The following KMT2C variants were observed in gnomAD, a reference collection of about 807,000 sequenced individuals.
KMT2C encodes the protein histone-lysine N-methyltransferase 2C.
Under a neutral mutation model 507.9 loss-of-function variants are expected in KMT2C, and 88 were observed. The observed-to-expected ratio is 0.17, with a 90% confidence interval of 0.15 to 0.21. The LOEUF (loss-of-function observed/expected upper bound fraction) is 0.21. Among genes scored for constraint, KMT2C ranks in the 10% least tolerant of loss-of-function variants. KMT2C has a pLI of 1.00. For synonymous variants in KMT2C, 2,049 were observed against 2,080.8 expected, an observed-to-expected ratio of 0.98 and a Z score of 0.42; for missense variants, 4,954 against 5,957.8, an observed-to-expected ratio of 0.83 and a Z score of 5.55.
chr7:152,421,164 G>C (rs2097775217), intron 1 of KMT2C, among the ~76,000 whole-genome samples: 1 of 152,084 alleles, frequency 6.6e-6, no homozygotes, highest in African/African-American at 2.4e-5. Flanking sequence ...CTTATCATTA[G>C]AGAAATGCAA....
rs546422456 is a variant in KMT2C at position 152,265,890 on chromosome 7, C to T, written c.1013-681G>A. On this transcript the variant is annotated intron_variant, in intron 7 of 58. Coordinates refer to ENST00000262189, the MANE Select transcript of KMT2C (RefSeq NM_170606.3). Reference sequence around the variant, plus strand: ...CCACATAATTATGGACATCATCCATCCCTAAATGTGGATTAAAAGAAAATG... The same window carrying T: ...CCACATAATTATGGACATCATCCATTCCTAAATGTGGATTAAAAGAAAATG... Among the ~76,000 whole-genome samples the T allele has an allele frequency of 6.6e-5, 10 of 152,322 alleles. No homozygotes were observed. The South Asian group carries it at 1.9e-3, about 28-fold the overall frequency.
chr7:152,292,602 A>C (rs2096446042), intron 6 of KMT2C, among the ~76,000 whole-genome samples: 2 of 152,180 alleles, frequency 1.3e-5, no homozygotes, highest in African/African-American at 4.8e-5. Context: ...AAAAGGTAAA[A>C]AACATTTTTA....
chr7:152,250,803 T>C lies in KMT2C; in HGVS notation c.1735+50A>G, dbSNP rs764378296. 19 of 960,552 alleles carry C rather than the reference T, an allele frequency of 2.0e-5. No individual in the cohort carries two copies. In the Middle Eastern group the frequency reaches 1.5e-3, roughly 74 times the overall value. 59.5% of individuals were successfully genotyped at this position (960,552 alleles called of 1,614,324 possible). A position where few individuals can be genotyped will look rare whatever the true frequency, so the allele number is the denominator to read the frequency against. On this transcript the variant is annotated intron_variant, in intron 12 of 58. Transcript: ENST00000262189. ...TTAGTCAATATTCACATATTTATTGTATATACACATTTTCTTCAAAAACAG... is the reference window on the plus strand; with the variant it reads ...TTAGTCAATATTCACATATTTATTGCATATACACATTTTCTTCAAAAACAG...
intron 6 of KMT2C, among the ~76,000 whole-genome samples, chr7:152,297,915 A>C (rs948107879): frequency 1.3e-5 from 2 of 152,216 alleles, no homozygotes; most frequent in Non-Finnish European, 2.9e-5. Context: ...GTTTTTATAC[A>C]TGTATCCCAT....
At chr7:152,363,923 A>C (rs1315928063) in intron 1 of KMT2C, among the ~76,000 whole-genome samples, 1 of 152,226 alleles carries the variant, frequency 6.6e-6, no homozygotes, top group Non-Finnish European at 1.5e-5. Context: ...GCTGCGAATC[A>C]ACTGTATTGT....
In KMT2C at chr7:152,249,920, C is replaced by A. The variant is rs1455482852; in HGVS notation, c.1769G>T (p.Ser590Ile). 4 of 1,610,768 alleles carry A rather than the reference C, an allele frequency of 2.5e-6. No individual in the cohort carries two copies. In the South Asian group the frequency reaches 4.4e-5, roughly 18 times the overall value. Residue 590 changes from serine (S) to isoleucine (I), a missense_variant, in exon 13 of 59, where the codon AGT becomes ATT. Ser to Ile is a moderately radical substitution (Grantham distance 142, BLOSUM62 -2). Coordinates refer to ENST00000262189, the MANE Select transcript of KMT2C (RefSeq NM_170606.3). The part of the protein sequence containing the change: ...VQVHTEEQQK[S>I]HPSESLDTDS... Reference sequence around the variant, plus strand: ...TGTGTCAAGACTTTCTGAGGGATGACTCTTCTGTTGCTCTTCAGTGTGGAC... The same window carrying A: ...TGTGTCAAGACTTTCTGAGGGATGAATCTTCTGTTGCTCTTCAGTGTGGAC...
rs891240848 is a variant in KMT2C, at chr7:152,195,893, G to C, written c.4378+14C>G. On this transcript the variant is annotated intron_variant, in intron 28 of 58. Transcript: ENST00000262189. The stretch of plus-strand genomic sequence containing the variant: ...TCAGAAACCAGAAAAAGGGTAAACA[G>C]TATTCATATATACCTGAATGATCAA... 1.4e-6 allele frequency: 2 copies of C among 1,400,958 alleles called. No individual in the cohort carries two copies. Among genetic ancestry groups the C allele is most frequent in the Non-Finnish European group, 2.0e-6 (2 of 992,936 alleles). The allele number at this position is 1,400,958 out of a possible 1,614,324, so 86.8% of individuals were successfully genotyped here. A position where few individuals can be genotyped will look rare whatever the true frequency, so the allele number is the denominator to read the frequency against.
At chr7:152,195,233 T>C (rs2093927570) in intron 28 of KMT2C, among the ~76,000 whole-genome samples, 1 of 152,194 alleles carries the variant, frequency 6.6e-6, no homozygotes. Flanking sequence ...CTGTTCTTAT[T>C]TGATCTTATA....
At chr7:152,199,547 G>C (rs764573374) in intron 26 of KMT2C, 88 bp from the exon 27 acceptor site, 24 of 734,754 alleles carry the variant, frequency 3.3e-5, no homozygotes, top group Non-Finnish European at 5.1e-5. Context: ...CAAGGAAGCA[G>C]AAATAACAGA....
At chr7:152,184,033 T>C (rs547036593) in intron 34 of KMT2C, among the ~76,000 whole-genome samples, 5 of 148,230 alleles carry the variant, frequency 3.4e-5, no homozygotes, top group East Asian at 4.0e-4. Flanking sequence ...GATCGCACCA[T>C]TGCACTCCAG....
rs577530153 is a variant in KMT2C at position 152,275,930 on chromosome 7, G to C, written c.850-2063C>G. 2.2e-3 allele frequency among the ~76,000 whole-genome samples: 339 copies of C among 152,288 alleles called. 1 individual carries two copies. Among genetic ancestry groups the C allele is most frequent in the African/African-American group, 7.8e-3 (325 of 41,582 alleles). On this transcript the variant is annotated intron_variant, in intron 6 of 58. Transcript: ENST00000262189. ...AATCTTGGCAGATAAAATATAATGA[G>C]AGGTAAGTATATAATAACAGAAAGT...
chr7:152,202,382 A>G (rs1165821337), intron 26 of KMT2C, among the ~76,000 whole-genome samples: 1 of 152,238 alleles, frequency 6.6e-6, no homozygotes, highest in Admixed American at 6.5e-5. Context: ...GAACTAGAAA[A>G]AAATTTTTTT....
At chr7:152,325,969 T>A (rs544966033) in intron 3 of KMT2C, among the ~76,000 whole-genome samples, 1 of 152,114 alleles carries the variant, frequency 6.6e-6, no homozygotes, top group East Asian at 1.9e-4. Flanking sequence ...GAAAGAGACT[T>A]CCTTCCTCAC....
intron 2 of KMT2C, among the ~76,000 whole-genome samples, chr7:152,357,397 G>A (rs180860072): frequency 4.3e-4 from 65 of 152,178 alleles, no homozygotes; most frequent in Admixed American, 1.2e-3. Context: ...GGTGGCGGGC[G>A]CCTGTAGTCT....
intron 9 of KMT2C, among the ~76,000 whole-genome samples, chr7:152,260,925 T>A (rs2095758845): frequency 6.6e-6 from 1 of 152,124 alleles, no homozygotes; most frequent in South Asian, 2.1e-4. Flanking sequence ...AAATTTTATA[T>A]CTTTAACATT....
chr7:152,424,880 G>A (rs1388533477), intron 1 of KMT2C, among the ~76,000 whole-genome samples: 1 of 152,158 alleles, frequency 6.6e-6, no homozygotes, highest in African/African-American at 2.4e-5. Flanking sequence ...AGCAAGGTAT[G>A]ACAGCTTCTT....
intron 9 of KMT2C, among the ~76,000 whole-genome samples, chr7:152,253,242 A>G (rs926768786): frequency 2.0e-5 from 3 of 152,124 alleles, no homozygotes; most frequent in Non-Finnish European, 4.4e-5. Flanking sequence ...AAATTTAAAT[A>G]AGGGAATGGG....
chr7:152,194,740 T>C (rs1311198431), intron 28 of KMT2C, among the ~76,000 whole-genome samples, 172 bp from the exon 29 acceptor site: 1 of 152,054 alleles, frequency 6.6e-6, no homozygotes, highest in Non-Finnish European at 1.5e-5. Flanking sequence ...TCAGTAAAAA[T>C]TAGGCACAAT....
intron 1 of KMT2C, among the ~76,000 whole-genome samples, chr7:152,378,943 G>C (rs1013085272): frequency 2.0e-5 from 3 of 152,102 alleles, no homozygotes; most frequent in Admixed American, 6.6e-5. Context: ...GGAATCAAAT[G>C]AAATGAAATA....
Sources: allele counts gnomAD v4.1 joint callset (sites outside exome capture counted in the v4.1 genomes callset), GRCh38; gene constraint gnomAD v4.1.1; transcripts MANE v1.5; gene names NCBI Gene and HGNC (gene_info 2026-07-23, HGNC 2026-07-21).